LCN12: variants seen among roughly 807,000 people sequenced by gnomAD.
LCN12 encodes the protein lipocalin 12, also known as epididymal-specific lipocalin-12.
A neutral mutation model predicts 23.7 loss-of-function variants in LCN12; 15 were observed. The ratio of observed to expected loss-of-function variants is 0.63; its 90% CI spans 0.42 to 0.97. The LOEUF is 0.97. Ranked by LOEUF, LCN12 falls within the 50% of genes least tolerant of loss-of-function variation. LCN12 has a pLI of 0.00. For synonymous variants in LCN12, 116 were observed against 111.5 expected, an observed-to-expected ratio of 1.04 and a Z score of -0.25; for missense variants, 219 against 249.6, an observed-to-expected ratio of 0.88 and a Z score of 0.83.
chr9:136,955,855 C>G (rs980267686), downstream of LCN12, among the ~76,000 whole-genome samples: 1 of 152,206 alleles, frequency 6.6e-6, no homozygotes, highest in Non-Finnish European at 1.5e-5. Context: ...CGGAAACACT[C>G]AGACCCCGAG....
At chr9:136,954,360 T>G in intron 5 of LCN12, 105 bp downstream of exon 5, 1 of 1,303,578 alleles carries the variant, frequency 7.7e-7, no homozygotes, top group Non-Finnish European at 1.1e-6. Flanking sequence ...CCCAGGGAGC[T>G]CAGCCCCAGC....
chr9:136,952,926 G>T lies in LCN12; in HGVS notation c.149G>T (p.Gly50Val), dbSNP rs1304041093. The part of the protein sequence containing the change: ...QGEWFVLGLA[G>V]NSFRPEHRAL... The stretch of plus-strand genomic sequence containing the variant: ...GAATGGTTCGTCCTGGGCCTGGCGG[G>T]CAACAGCTTCAGGCCGGAGCACAGG... The change falls in exon 2 of 6, where the codon GGC becomes GTC. Residue 50 changes from glycine (G) to valine (V), a missense_variant. Transcript: ENST00000371633. The T allele has an allele frequency of 6.2e-7, 1 of 1,613,756 alleles. No individual in the cohort carries two copies. Among genetic ancestry groups the T allele is most frequent in the East Asian group, 2.2e-5 (1 of 44,882 alleles).
Position 136,954,182 on chromosome 9 carries a change from G to A in LCN12, c.477G>A (p.Thr159=), listed in dbSNP as rs528884132. The A allele has an allele frequency of 4.5e-5, 71 of 1,570,932 alleles. No homozygotes were observed. The South Asian group carries it at 4.7e-4, about 10-fold the overall frequency. Residue 159 remains threonine, a synonymous_variant, in exon 5 of 6, where the codon ACG becomes ACA. Coordinates refer to ENST00000371633, the MANE Select transcript of LCN12 (RefSeq NM_178536.4). ...LGRSWLLPPG[T]LDQFICLGRA... is the part of the protein sequence containing the mutation. ...GGAGCTGGTTGCTGCCTCCCGGGACGCTGGACCAGTTCATCTGCCTGGGCA... is the reference window on the plus strand; with the variant it reads ...GGAGCTGGTTGCTGCCTCCCGGGACACTGGACCAGTTCATCTGCCTGGGCA...
Position 136,953,836 on chromosome 9 carries a change from G to C in LCN12, c.332-12G>C. The C allele has an allele frequency of 6.3e-7, 1 of 1,598,242 alleles. No homozygotes were observed. Among genetic ancestry groups the C allele is most frequent in the Non-Finnish European group, 8.5e-7 (1 of 1,172,806 alleles). ...GCTGGCCCACAGGGATGTGACGTCTGTGCCGCCTCAGAGCCCGGGGCGGAC... is the reference window on the plus strand; with the variant it reads ...GCTGGCCCACAGGGATGTGACGTCTCTGCCGCCTCAGAGCCCGGGGCGGAC... On this transcript the variant is annotated splice_polypyrimidine_tract_variant and intron_variant, in intron 3 of 5. Coordinates refer to ENST00000371633, the MANE Select transcript of LCN12 (RefSeq NM_178536.4).
At chr9:136,949,242 AAAGTTTTTT>A (rs1851095990), upstream of LCN12, among the ~76,000 whole-genome samples, 1 of 152,226 alleles carries the variant, frequency 6.6e-6, no homozygotes, top group South Asian at 2.1e-4. Context: ...ATTTAAAAAA[AAAGTTTTTT>A]CATCTATAGA....
intron 5 of LCN12, chr9:136,954,872 C>G: frequency 8.1e-7 from 1 of 1,235,828 alleles, no homozygotes; most frequent in Non-Finnish European, 1.0e-6. Context: ...CCACCGTGCC[C>G]TTCTGATTCC....
At chr9:136,953,145 C>A in intron 2 of LCN12, 117 bp downstream of exon 2, 1 of 1,410,732 alleles carries the variant, frequency 7.1e-7, no homozygotes, top group Non-Finnish European at 9.7e-7. Flanking sequence ...CTTCATGACT[C>A]TGCCTGCCAA....
chr9:136,953,887 G>A lies in LCN12; in HGVS notation c.371G>A (p.Ser124Asn), dbSNP rs373231150. 1.9e-5 allele frequency: 31 copies of A among 1,608,750 alleles called. No individual in the cohort carries two copies. The African/African-American group carries it at 3.7e-4, about 19-fold the overall frequency. The change falls in exon 4 of 6, where the codon AGC (serine) becomes AAC (asparagine). Residue 124 changes from serine (S) to asparagine (N), a missense_variant. Transcript: ENST00000371633. Reference sequence around the variant, plus strand: ...AGAGAGGAGACCCGGGTGGTGGACAGCGACTACACCCAGTTCGCCCTGATG... The same window carrying A: ...AGAGAGGAGACCCGGGTGGTGGACAACGACTACACCCAGTTCGCCCTGATG... ...ADREETRVVDSDYTQFALMLS... is the reference protein window; with the variant it reads ...ADREETRVVDNDYTQFALMLS...
chr9:136,952,837 C>G, intron 1 of LCN12, 55 bp from the exon 2 acceptor site: 1 of 1,583,260 alleles, frequency 6.3e-7, no homozygotes, highest in South Asian at 1.1e-5. Context: ...GGCTCCTGAC[C>G]CTGCCCACTG....
chr9:136,951,921 G>A (rs943490347), upstream of LCN12, among the ~76,000 whole-genome samples: 8 of 152,240 alleles, frequency 5.3e-5, no homozygotes, highest in South Asian at 2.1e-4. Flanking sequence ...TTATGGCTGC[G>A]GCAGGTCACG....
rs192199941 is a variant in LCN12, at chr9:136,952,937, A to G, written c.160A>G (p.Arg54Gly). 2.4e-5 allele frequency: 39 copies of G among 1,613,736 alleles called. No individual in the cohort carries two copies. The East Asian group carries it at 8.5e-4, about 35-fold the overall frequency. The change falls in exon 2 of 6, where the codon AGG becomes GGG. Residue 54 changes from arginine to glycine, a missense_variant. By Grantham distance (125) the Arg-to-Gly change is moderately radical. Transcript: ENST00000371633. ...CCTGGGCCTGGCGGGCAACAGCTTCAGGCCGGAGCACAGGGCGCTGCTGAA... is the reference window on the plus strand; with the variant it reads ...CCTGGGCCTGGCGGGCAACAGCTTCGGGCCGGAGCACAGGGCGCTGCTGAA... The part of the protein sequence containing the change: ...FVLGLAGNSF[R>G]PEHRALLNAF...
At chr9:136,955,039 T>C in intron 5 of LCN12, 2 of 1,393,402 alleles carry the variant, frequency 1.4e-6, no homozygotes, top group African/African-American at 1.5e-5. Flanking sequence ...CAGGCACACG[T>C]GCTGGTCTGC....
At chr9:136,955,326 C>T in intron 5 of LCN12, 45 bp from the exon 6 acceptor site, 1 of 1,599,726 alleles carries the variant, frequency 6.3e-7, no homozygotes, top group Non-Finnish European at 8.5e-7. Flanking sequence ...GCTCTGTCCC[C>T]TGCTCCCCCT....
At chr9:136,950,605 T>C (rs1049390288), upstream of LCN12, among the ~76,000 whole-genome samples, 1 of 152,164 alleles carries the variant, frequency 6.6e-6, no homozygotes, top group Non-Finnish European at 1.5e-5. Context: ...CCTGCTGCGC[T>C]GAGAGCGGGA....
chr9:136,952,299 C>T lies in LCN12; in HGVS notation c.-29C>T. On this transcript the variant is annotated 5_prime_UTR_variant, in exon 1 of 6. Transcript: ENST00000371633. ...CCTGCCCATGGCCACTTCCTTCTCT[C>T]TGTCCCTGTGGGCCCAGCAGCTGCC... The T allele has an allele frequency of 6.5e-7, 1 of 1,530,596 alleles. No individual in the cohort carries two copies. Among genetic ancestry groups the T allele is most frequent in the Non-Finnish European group, 9.0e-7 (1 of 1,112,874 alleles). The allele number at this position is 1,530,596 out of a possible 1,614,324, so 94.8% of individuals were successfully genotyped here. A position where few individuals can be genotyped will look rare whatever the true frequency, so the allele number is the denominator to read the frequency against.
chr9:136,952,416 C>T lies in LCN12; in HGVS notation c.89C>T (p.Pro30Leu), dbSNP rs1012599695. ...QTPTPLPLPP[P>L]MQSFQGNQFQ... ...CCAACCCCCCTGCCACTCCCGCCCC[C>T]GATGCAGAGCTTCCAAGGAAACCAG... Residue 30 changes from proline to leucine, a missense_variant, in exon 1 of 6, where the codon CCG becomes CTG. Pro to Leu is a moderately conservative substitution (Grantham distance 98). Coordinates refer to ENST00000371633, the MANE Select transcript of LCN12 (RefSeq NM_178536.4). The T allele has an allele frequency of 6.2e-6, 10 of 1,611,860 alleles. No individual in the cohort carries two copies. Among genetic ancestry groups the T allele is most frequent in the Admixed American group, 3.3e-5 (2 of 59,952 alleles).
rs1157696350 is a variant in LCN12, at chr9:136,953,742, A to C, written c.294A>C (p.Ala98=). 3.7e-6 allele frequency: 6 copies of C among 1,605,898 alleles called. No individual in the cohort carries two copies. Among genetic ancestry groups the C allele is most frequent in the African/African-American group, 2.7e-5 (2 of 74,866 alleles). ...CATGGTCTTATGTGCTGATACCGGCAGCCCAGCCTGGGCAGTTCACTGTGG... is the reference window on the plus strand; with the variant it reads ...CATGGTCTTATGTGCTGATACCGGCCGCCCAGCCTGGGCAGTTCACTGTGG... The part of the protein sequence containing the change: ...CDTWSYVLIP[A]AQPGQFTVDH... Residue 98 remains alanine, a synonymous_variant, in exon 3 of 6, where the codon GCA becomes GCC. Transcript: ENST00000371633.
Position 136,955,367 on chromosome 9 carries a change from C to T in LCN12, c.551-4C>T. The T allele has an allele frequency of 1.9e-6, 3 of 1,613,210 alleles. No individual in the cohort carries two copies. The highest frequency in any genetic ancestry group is 2.5e-6 in the Non-Finnish European group (3 of 1,179,644). ...CTCCATCCCGACTCCATCTCCCCCA[C>T]CAGGCTGGTCACCCCAGGCCAGCGT... On this transcript the variant is annotated splice_polypyrimidine_tract_variant and splice_region_variant and intron_variant, in intron 5 of 5. Transcript: ENST00000371633.
At chr9:136,952,731 G>T in intron 1 of LCN12, 161 bp from the exon 2 acceptor site, 1 of 803,238 alleles carries the variant, frequency 1.2e-6, no homozygotes, top group South Asian at 1.8e-5. Context: ...GCCAGACCCA[G>T]AGTAGGCTCT....
Sources: allele counts gnomAD v4.1 joint callset (sites outside exome capture counted in the v4.1 genomes callset), GRCh38; gene constraint gnomAD v4.1.1; transcripts MANE v1.5; gene names NCBI Gene and HGNC (gene_info 2026-07-23, HGNC 2026-07-21).